Variants in GAP43 observed in about 807,000 individuals in gnomAD.
GAP43 encodes neuromodulin.
A neutral mutation model predicts 18.6 loss-of-function variants in GAP43; 6 were observed. The ratio of observed to expected loss-of-function variants is 0.32; its 90% CI spans 0.18 to 0.64. The LOEUF (loss-of-function observed/expected upper bound fraction) is 0.64. Ranked by LOEUF, GAP43 falls within the 30% of genes least tolerant of loss-of-function variation. GAP43 has a pLI of 0.78. For missense variants in GAP43, 292 were observed against 295.5 expected (o/e 0.99, Z 0.09); for synonymous variants, 115 against 111.4 (o/e 1.03, Z -0.20).
At chr3:115,630,040 C>T (rs540920630) in intron 1 of GAP43, among the ~76,000 whole-genome samples, 22 of 152,228 alleles carry the variant, frequency 1.4e-4, no homozygotes, top group Non-Finnish European at 2.6e-4. Context: ...ATGTCCTCCT[C>T]GTCCAACAAC....
intron 1 of GAP43, among the ~76,000 whole-genome samples, chr3:115,675,403 A>G (rs1461478591): frequency 6.6e-6 from 1 of 151,922 alleles, no homozygotes; most frequent in Non-Finnish European, 1.5e-5. Flanking sequence ...AAGTACTTCT[A>G]AAAAAAAGGC....
At chr3:115,647,551 C>T (rs1410784747) in intron 1 of GAP43, among the ~76,000 whole-genome samples, 1 of 151,774 alleles carries the variant, frequency 6.6e-6, no homozygotes, top group African/African-American at 2.4e-5. Context: ...AGGGAAAAAA[C>T]TAGGAGAGTG....
chr3:115,671,187 A>G (rs1318614375), intron 1 of GAP43, among the ~76,000 whole-genome samples: 3 of 152,192 alleles, frequency 2.0e-5, no homozygotes, highest in African/African-American at 7.2e-5. Context: ...TTTGTAACAT[A>G]TTGAATGCAA....
At chr3:115,663,407 A>G (rs188078288) in intron 1 of GAP43, 14 of 430,832 alleles carry the variant, frequency 3.2e-5, no homozygotes, top group Non-Finnish European at 6.3e-6. Flanking sequence ...TAGTCCATTC[A>G]TCTGCTTTTC....
chr3:115,676,045 A>C lies in GAP43; in HGVS notation c.63A>C (p.Glu21Asp). ...VEKNDDDQKI[E>D]QDGIKPEDKA... ...AAAATGATGACGACCAAAAGATTGAACAAGATGGTATCAAACCAGAAGATA... is the reference window on the plus strand; with the variant it reads ...AAAATGATGACGACCAAAAGATTGACCAAGATGGTATCAAACCAGAAGATA... The change falls in exon 2 of 3, where the codon GAA becomes GAC. Residue 21 changes from glutamate (E) to aspartate (D), a missense_variant. Physicochemically the swap from Glu to Asp is conservative, Grantham distance 45. Coordinates refer to ENST00000305124, the MANE Select transcript of GAP43 (RefSeq NM_002045.4). 6.2e-7 allele frequency: 1 copy of C among 1,611,356 alleles called. No homozygotes were observed. Among genetic ancestry groups the C allele is most frequent in the Non-Finnish European group, 8.5e-7 (1 of 1,179,324 alleles).
chr3:115,654,317 G>T (rs918992595), intron 1 of GAP43, among the ~76,000 whole-genome samples: 1 of 152,098 alleles, frequency 6.6e-6, no homozygotes, highest in African/African-American at 2.4e-5. Flanking sequence ...AGATGAAACC[G>T]CAAAGGAGGA....
At chr3:115,636,474 G>A (rs1355590242) in intron 1 of GAP43, among the ~76,000 whole-genome samples, 2 of 152,060 alleles carry the variant, frequency 1.3e-5, no homozygotes, top group Non-Finnish European at 2.9e-5. Context: ...CCATATGTAT[G>A]TAATGAGTTA....
At position 115,666,460 on chromosome 3, in the gene GAP43, TG is replaced by T; in HGVS notation, c.31-9552del. On this transcript the variant is annotated intron_variant, in intron 1 of 2. Coordinates refer to ENST00000305124, the MANE Select transcript of GAP43 (RefSeq NM_002045.4). ...GTCTTATCAACATGCCTTAACTTAA[TG>T]TCACGATGCTCTAGAAATTACTCTG... Among the ~76,000 whole-genome samples the T allele has an allele frequency of 2.0e-5, 3 of 152,324 alleles. No individual in the cohort carries two copies. The South Asian group carries it at 6.2e-4, about 32-fold the overall frequency.
At chr3:115,649,822 A>AAG (rs1553720859) in intron 1 of GAP43, among the ~76,000 whole-genome samples, 37 of 137,238 alleles carry the variant, frequency 2.7e-4, no homozygotes, top group African/African-American at 6.2e-4. Context: ...AAAAAAAAAA[A>AAG]AAAGAAAGAA....
Position 115,676,123 on chromosome 3 carries a change from A to G in GAP43, c.141A>G (p.Thr47=), listed in dbSNP as rs1276094992. 1 of 1,614,190 alleles carries G rather than the reference A, an allele frequency of 6.2e-7. No homozygotes were observed. Residue 47 remains threonine, a synonymous_variant, in exon 2 of 3, where the codon ACA becomes ACG. Coordinates refer to ENST00000305124, the MANE Select transcript of GAP43 (RefSeq NM_002045.4). The stretch of plus-strand genomic sequence containing the variant: ...AGGCTAGCTTCCGTGGACACATAAC[A>G]AGGAAAAAGCTCAAAGGAGAGAAGA... ...KIQASFRGHI[T]RKKLKGEKKD...
intron 2 of GAP43, among the ~76,000 whole-genome samples, chr3:115,695,661 G>T (rs1239223104): frequency 1.3e-5 from 2 of 152,214 alleles, no homozygotes; most frequent in African/African-American, 4.8e-5. Flanking sequence ...AACCAGAGTT[G>T]TCTATACTCT....
At chr3:115,718,545 A>T (rs1261585235) in intron 2 of GAP43, among the ~76,000 whole-genome samples, 1 of 152,206 alleles carries the variant, frequency 6.6e-6, no homozygotes, top group Non-Finnish European at 1.5e-5. Context: ...ACTGTGTTCA[A>T]CAGGTAATTA....
intron 2 of GAP43, among the ~76,000 whole-genome samples, chr3:115,691,963 C>A (rs1709121080): frequency 1.3e-5 from 2 of 152,182 alleles, no homozygotes; most frequent in African/African-American, 4.8e-5. Context: ...TATTTCAATC[C>A]TACAGTCTTA....
At chr3:115,638,391 T>C (rs1483744130) in intron 1 of GAP43, among the ~76,000 whole-genome samples, 1 of 152,066 alleles carries the variant, frequency 6.6e-6, no homozygotes, top group South Asian at 2.1e-4. Flanking sequence ...ATAAAACATG[T>C]TCACACTTCA....
At chr3:115,672,766 CTCCTT>C (rs1176739053) in intron 1 of GAP43, among the ~76,000 whole-genome samples, 23 of 147,472 alleles carry the variant, frequency 1.6e-4, no homozygotes, top group African/African-American at 5.3e-4. Context: ...CTCCTCTCCT[CTCCTT>C]TCCTTTCCTT....
chr3:115,718,489 T>C (rs1336290574), intron 2 of GAP43, among the ~76,000 whole-genome samples: 1 of 152,212 alleles, frequency 6.6e-6, no homozygotes, highest in Non-Finnish European at 1.5e-5. Context: ...TAGTGTATTA[T>C]AATGATCAGA....
chr3:115,665,759 T>G (rs927151500), intron 1 of GAP43, among the ~76,000 whole-genome samples: 3 of 152,172 alleles, frequency 2.0e-5, no homozygotes, highest in African/African-American at 7.2e-5. Flanking sequence ...TTGGATATAC[T>G]TGGCTTGGCA....
At position 115,701,872 on chromosome 3, in the gene GAP43, A is replaced by C. The variant is rs180678093; in HGVS notation, c.629-18922A>C. ...GTATTGCTAGATTCAATTCTCTTTG[A>C]GTCTGATATATTTAACATCAATTGT... On this transcript the variant is annotated intron_variant, in intron 2 of 2. Transcript: ENST00000305124. Among the ~76,000 whole-genome samples, 4 of 152,216 alleles carry C rather than the reference A, an allele frequency of 2.6e-5. No homozygotes were observed. The East Asian group carries it at 7.8e-4, about 29-fold the overall frequency.
chr3:115,690,280 G>A (rs572965462), intron 2 of GAP43, among the ~76,000 whole-genome samples: 55 of 133,178 alleles, frequency 4.1e-4, no homozygotes, highest in South Asian at 1.6e-3. Context: ...CCCAGCCAGC[G>A]CTGCCTCAAC....
Sources: gnomAD v4.1 joint callset for allele counts (sites outside exome capture counted in the v4.1 genomes callset) on GRCh38, gnomAD v4.1.1 for gene constraint, MANE v1.5 for transcripts, NCBI Gene and HGNC (gene_info 2026-07-23, HGNC 2026-07-21) for gene names.